CNTN4: variants seen among roughly 807,000 people sequenced by gnomAD.
CNTN4 encodes the protein contactin 4, also known as contactin-4.
Under a neutral mutation model 122.5 loss-of-function variants are expected in CNTN4, and 77 were observed. The observed-to-expected ratio is 0.63, with a 90% CI of 0.52 to 0.76. The LOEUF (loss-of-function observed/expected upper bound fraction) is 0.76. CNTN4 is among the 30% of genes least tolerant of loss of function. CNTN4 has a pLI of 0.00. For synonymous variants in CNTN4, 512 were observed against 447.0 expected (o/e 1.15, Z -1.83); for missense variants, 1,256 against 1,259.1 (o/e 1.00, Z 0.04).
intron 2 of CNTN4, among the ~76,000 whole-genome samples, chr3:2,229,048 T>A (rs2039389747): frequency 6.6e-6 from 1 of 152,180 alleles, no homozygotes; most frequent in Non-Finnish European, 1.5e-5. Flanking sequence ...CGCTAATGCA[T>A]TAGCCTTGTA....
intron 6 of CNTN4, among the ~76,000 whole-genome samples, chr3:2,766,631 A>G (rs2090872979): frequency 6.6e-6 from 1 of 152,162 alleles, no homozygotes. Flanking sequence ...AAAAGGCTAC[A>G]AATTGGGTTC....
At chr3:2,900,897 A>G (rs2094165777) in intron 11 of CNTN4, 76 bp downstream of exon 11, 1 of 1,546,086 alleles carries the variant, frequency 6.5e-7, no homozygotes, top group Non-Finnish European at 8.9e-7. Context: ...TGGAAACGGG[A>G]GAATGGTGAA....
At chr3:2,735,102 C>T (rs2088983513) in intron 4 of CNTN4, among the ~76,000 whole-genome samples, 1 of 152,140 alleles carries the variant, frequency 6.6e-6, no homozygotes, top group Admixed American at 6.6e-5. Context: ...TTTCAAAGAG[C>T]TTATAATCCA....
In CNTN4 at chr3:2,520,259, C is replaced by CTTTTTTTTTTTTTTTTTTTTT. The variant is rs397988483; in HGVS notation, c.-88-51146_-88-51126dup. ...AAAAAGATAGGTTGGTGATTGCTTC[C>CTTTTTTTTTTTTTTTTTTTTT]TTTTTTTTTTTTTTTTTTTTTTTTT... is the stretch of plus-strand genomic sequence containing the variant. On this transcript the variant is annotated intron_variant, in intron 3 of 24. Transcript: ENST00000418658. Among the ~76,000 whole-genome samples, 12 of 74,466 alleles carry CTTTTTTTTTTTTTTTTTTTTT rather than the reference C, an allele frequency of 1.6e-4. 1 individual carries two copies. The highest frequency in any genetic ancestry group is 7.2e-4 in the African/African-American group (10 of 13,850). The allele number at this position is 74,466 out of a possible 152,430, so 48.9% of individuals were successfully genotyped here.
intron 2 of CNTN4, among the ~76,000 whole-genome samples, chr3:2,279,061 T>C (rs537086413): frequency 6.6e-6 from 1 of 151,918 alleles, no homozygotes; most frequent in Non-Finnish European, 1.5e-5. Flanking sequence ...ACCTTCCACA[T>C]AAGCTTAATA....
intron 4 of CNTN4, among the ~76,000 whole-genome samples, chr3:2,653,499 A>G (rs891031937): frequency 1.3e-5 from 2 of 152,208 alleles, no homozygotes; most frequent in African/African-American, 4.8e-5. Context: ...ATCTAAGATC[A>G]CAAGGGTAGT....
chr3:2,197,476 A>G (rs1295539730), intron 2 of CNTN4, among the ~76,000 whole-genome samples: 1 of 152,210 alleles, frequency 6.6e-6, no homozygotes, highest in East Asian at 1.9e-4. Flanking sequence ...AATGCACTAC[A>G]TTTCTGGTAA....
intron 4 of CNTN4, among the ~76,000 whole-genome samples, chr3:2,722,219 A>G (rs1162158195): frequency 2.6e-5 from 4 of 152,212 alleles, no homozygotes; most frequent in Non-Finnish European, 4.4e-5. Context: ...TGACCTTTCA[A>G]CAAGCTATGT....
intron 13 of CNTN4, among the ~76,000 whole-genome samples, chr3:2,931,640 T>C (rs2094521320): frequency 6.6e-6 from 1 of 152,196 alleles, no homozygotes; most frequent in Admixed American, 6.5e-5. Flanking sequence ...TTATTTATTA[T>C]TTTTTAGAGA....
chr3:2,729,543 CA>C (rs377584644), intron 4 of CNTN4, among the ~76,000 whole-genome samples: 76 of 70,064 alleles, frequency 1.1e-3, no homozygotes, highest in East Asian at 6.8e-3. Flanking sequence ...GACTCCATCT[CA>C]AAAAAAAAAA....
intron 3 of CNTN4, among the ~76,000 whole-genome samples, chr3:2,421,911 A>G (rs2047633856): frequency 6.6e-6 from 1 of 152,202 alleles, no homozygotes; most frequent in Non-Finnish European, 1.5e-5. Flanking sequence ...CAAGGAAGTA[A>G]GAGTCTGGGA....
intron 4 of CNTN4, among the ~76,000 whole-genome samples, chr3:2,696,233 T>A (rs548728106): frequency 1.4e-3 from 211 of 152,358 alleles, no homozygotes; most frequent in African/African-American, 4.7e-3. Context: ...TAACAAATAA[T>A]TTCTGCGAAG....
At chr3:2,814,369 C>G (rs181264768) in intron 6 of CNTN4, among the ~76,000 whole-genome samples, 1 of 152,272 alleles carries the variant, frequency 6.6e-6, no homozygotes, top group African/African-American at 2.4e-5. Context: ...GAATACAAGC[C>G]AAGTGTAATT....
At chr3:2,825,020 T>A (rs1276110089) in intron 7 of CNTN4, among the ~76,000 whole-genome samples, 2 of 152,186 alleles carry the variant, frequency 1.3e-5, no homozygotes, top group Admixed American at 1.3e-4. Flanking sequence ...TGACTTTATA[T>A]GTTTTTGTTC....
In CNTN4 at chr3:3,030,917, C is replaced by A; in HGVS notation, c.1725C>A (p.Val575=). The A allele has an allele frequency of 6.2e-7, 1 of 1,614,056 alleles. No individual in the cohort carries two copies. Residue 575 remains valine, a synonymous_variant, in exon 16 of 25, where the codon GTC becomes GTA. Transcript: ENST00000418658. ...NIQLKHAGKY[V]CMVQTSVDRL... ...AACTGAAGCATGCTGGGAAATATGT[C>A]TGCATGGTCCAAACAAGTGTGGACA...
rs2089708629 is a variant in CNTN4, at chr3:2,745,603, C to A, written c.264C>A (p.Asn88Lys). Residue 88 changes from asparagine to lysine, a missense_variant, in exon 6 of 25, where the codon AAC (asparagine) becomes AAA (lysine). Asn to Lys is a moderately conservative substitution (Grantham distance 94, BLOSUM62 0). Transcript: ENST00000418658. ...TTGAAGGGAGCTTGTTGATCAATAACCCCAATAAAACCCAAGATGCTGGAA... is the reference window on the plus strand; with the variant it reads ...TTGAAGGGAGCTTGTTGATCAATAAACCCAATAAAACCCAAGATGCTGGAA... Reference protein sequence around the residue: ...SVVEGSLLINNPNKTQDAGTY... With the variant: ...SVVEGSLLINKPNKTQDAGTY... The A allele has an allele frequency of 1.9e-6, 3 of 1,613,990 alleles. No individual in the cohort carries two copies. The highest frequency in any genetic ancestry group is 2.5e-6 in the Non-Finnish European group (3 of 1,179,992).
rs2091631058 is a variant in CNTN4 at position 2,782,392 on chromosome 3, T to C, written c.358+36695T>C. ...GCCTTCCATGATTGCATCTTTTCAC[T>C]AAAGAGCTTCCTAGTGGCGATGAAG... On this transcript the variant is annotated intron_variant, in intron 6 of 24. Coordinates refer to ENST00000418658, the MANE Select transcript of CNTN4 (RefSeq NM_175607.3). Among the ~76,000 whole-genome samples the C allele has an allele frequency of 2.0e-5, 3 of 151,878 alleles. No homozygotes were observed. In the South Asian group the frequency reaches 6.2e-4, roughly 32 times the overall value.
intron 2 of CNTN4, among the ~76,000 whole-genome samples, chr3:2,120,028 G>A (rs1252362940): frequency 6.6e-6 from 1 of 152,004 alleles, no homozygotes; most frequent in Admixed American, 6.6e-5. Context: ...AGCTAGCCAT[G>A]CAATAACCAG....
intron 4 of CNTN4, among the ~76,000 whole-genome samples, chr3:2,612,876 T>C (rs1212981488): frequency 1.3e-5 from 2 of 152,160 alleles, no homozygotes; most frequent in Non-Finnish European, 2.9e-5. Context: ...TCTCACACTG[T>C]TTCACCCCAA....
Sources: gnomAD v4.1 joint callset for allele counts (sites outside exome capture counted in the v4.1 genomes callset) on GRCh38, gnomAD v4.1.1 for gene constraint, MANE v1.5 for transcripts, NCBI Gene and HGNC (gene_info 2026-07-23, HGNC 2026-07-21) for gene names.